The following OSBPL10 variants were observed in gnomAD, a reference collection of about 807,000 sequenced individuals.
The protein encoded by OSBPL10 is oxysterol-binding protein-related protein 10.
Under a neutral mutation model 81.7 loss-of-function variants are expected in OSBPL10, and 49 were observed. The ratio of observed to expected loss-of-function variants is 0.60; its 90% CI spans 0.48 to 0.76. The LOEUF (loss-of-function observed/expected upper bound fraction) is 0.76. OSBPL10 is among the 30% of genes least tolerant of loss of function. OSBPL10 has a pLI of 0.00. For missense variants in OSBPL10, 923 were observed against 987.8 expected (o/e 0.93, Z 0.88); for synonymous variants, 419 against 383.6 (o/e 1.09, Z -1.08).
upstream of OSBPL10, among the ~76,000 whole-genome samples, chr3:31,984,937 A>G (rs904375344): frequency 3.3e-5 from 5 of 152,198 alleles, no homozygotes; most frequent in African/African-American, 1.2e-4. Flanking sequence ...CACTTTCGGT[A>G]TGATTAAAAA....
At chr3:31,917,487 C>T (rs1696792202) in intron 1 of OSBPL10, among the ~76,000 whole-genome samples, 1 of 151,736 alleles carries the variant, frequency 6.6e-6, no homozygotes, top group South Asian at 2.1e-4. Context: ...ATAGGTAACC[C>T]CCAGCTGAAA....
At chr3:31,884,505 A>G (rs370370322) in intron 1 of OSBPL10, among the ~76,000 whole-genome samples, 6 of 152,350 alleles carry the variant, frequency 3.9e-5, no homozygotes, top group Middle Eastern at 3.4e-3. Flanking sequence ...TCATATATGG[A>G]TAAGCACTGT....
chr3:32,047,125 G>C (rs1699628951), intron 1 of OSBPL10, among the ~76,000 whole-genome samples: 1 of 152,112 alleles, frequency 6.6e-6, no homozygotes, highest in Non-Finnish European at 1.5e-5. Context: ...CTCTAGGTGT[G>C]TGCCACCAGC....
intron 4 of OSBPL10, among the ~76,000 whole-genome samples, chr3:31,803,637 A>G (rs556492231): frequency 4.8e-4 from 73 of 152,324 alleles, no homozygotes; most frequent in African/African-American, 1.6e-3. Context: ...CAACTACCTC[A>G]ATCTACAGAC....
intron 1 of OSBPL10, among the ~76,000 whole-genome samples, chr3:32,074,971 G>A (rs1043437145): frequency 3.3e-5 from 5 of 152,144 alleles, no homozygotes; most frequent in African/African-American, 7.2e-5. Context: ...TTTGCAGATG[G>A]GAATGAACAA....
chr3:31,923,942 T>C (rs1163397315), intron 1 of OSBPL10, among the ~76,000 whole-genome samples: 1 of 151,772 alleles, frequency 6.6e-6, no homozygotes, highest in African/African-American at 2.4e-5. Context: ...GTCAAGGCCA[T>C]GTGTGGTGGT....
Position 31,668,719 on chromosome 3 carries a change from T to A in OSBPL10, c.2019A>T (p.Lys673Asn). The A allele has an allele frequency of 6.2e-7, 1 of 1,614,202 alleles. No homozygotes were observed. The highest frequency in any genetic ancestry group is 2.2e-5 in the East Asian group (1 of 44,886). Residue 673 changes from lysine (K) to asparagine (N), a missense_variant, in exon 10 of 12, where the codon AAA (lysine) becomes AAT (asparagine). Physicochemically the swap from Lys to Asn is moderately conservative, Grantham distance 94 (BLOSUM62 0). Around this residue, in one of 3 missense-constraint regions of OSBPL10, gnomAD observed 387 missense variants for 436.3 expected, o/e 0.89. Transcript: ENST00000396556. ...CTGGCAGTGTGGTTGTGTCGATGAC[T>A]TTGGTTTCTCCATTGTTGTAGGTGA... ...LEFTYNNGET[K>N]VIDTTTLPVY...
intron 1 of OSBPL10, among the ~76,000 whole-genome samples, chr3:31,919,128 C>T (rs147264231): frequency 2.4e-3 from 361 of 152,262 alleles, no homozygotes; most frequent in African/African-American, 7.8e-3. Context: ...CTGGAAAGAT[C>T]GCCTCTTTCA....
chr3:31,887,611 T>C (rs969324930), intron 1 of OSBPL10, among the ~76,000 whole-genome samples: 1 of 152,196 alleles, frequency 6.6e-6, no homozygotes, highest in Non-Finnish European at 1.5e-5. Flanking sequence ...TCCTTCCCTA[T>C]AGTAGTCTTG....
intron 4 of OSBPL10, among the ~76,000 whole-genome samples, chr3:31,822,913 T>TAAAAAAGAAAAAA (rs1700013344): frequency 1.1e-5 from 1 of 89,146 alleles, no homozygotes; most frequent in Non-Finnish European, 2.3e-5. Context: ...CCCCCAACTC[T>TAAAAAAGAAAAAA]AAAAAAAAAA....
chr3:31,918,276 G>A (rs573983947), intron 1 of OSBPL10, among the ~76,000 whole-genome samples: 1 of 151,198 alleles, frequency 6.6e-6, no homozygotes, highest in African/African-American at 2.4e-5. Flanking sequence ...ACAAGTCCCT[G>A]AAAGTGAAAC....
chr3:31,998,048 C>T (rs1313852496), intron 2 of OSBPL10, among the ~76,000 whole-genome samples: 1 of 152,106 alleles, frequency 6.6e-6, no homozygotes, highest in African/African-American at 2.4e-5. Flanking sequence ...CCGCCTCGGC[C>T]TCCTGAAGTG....
At chr3:31,789,138 C>T (rs917617043) in intron 4 of OSBPL10, among the ~76,000 whole-genome samples, 1 of 152,126 alleles carries the variant, frequency 6.6e-6, no homozygotes, top group African/African-American at 2.4e-5. Flanking sequence ...GCCACCACGC[C>T]CAGCTAATTA....
At chr3:31,828,182 T>C (rs1700144951) in intron 4 of OSBPL10, among the ~76,000 whole-genome samples, 1 of 152,246 alleles carries the variant, frequency 6.6e-6, no homozygotes, top group African/African-American at 2.4e-5. Flanking sequence ...AAAAGTGAAA[T>C]GATGGTATCA....
rs1402814631 is a variant in OSBPL10, at chr3:31,664,109, T to C, written c.2220A>G (p.Thr740=). 6.2e-7 allele frequency: 1 copy of C among 1,613,948 alleles called. No individual in the cohort carries two copies. The highest frequency in any genetic ancestry group is 8.5e-7 in the Non-Finnish European group (1 of 1,180,018). The change falls in exon 11 of 12, where the codon ACA becomes ACG. Residue 740 remains threonine, a synonymous_variant. Coordinates refer to ENST00000396556, the MANE Select transcript of OSBPL10 (RefSeq NM_017784.5). ...VEERKRENLR[T]PWKPKYFIQE... ...GGATAAAATATTTGGGCTTCCATGG[T>C]GTGCGGAGGTTCTCGCGCTTCCGTT...
chr3:31,932,505 T>TTAAATTTAACGACA (rs749603589), intron 1 of OSBPL10, among the ~76,000 whole-genome samples: 17 of 152,218 alleles, frequency 1.1e-4, no homozygotes, highest in Non-Finnish European at 2.4e-4. Flanking sequence ...TCCCTATGAT[T>TTAAATTTAACGACA]TAAATTTAAC....
intron 3 of OSBPL10, among the ~76,000 whole-genome samples, chr3:31,833,284 C>T (rs909094479): frequency 1.3e-5 from 2 of 152,106 alleles, no homozygotes; most frequent in Non-Finnish European, 2.9e-5. Flanking sequence ...CTCTATCCCC[C>T]CACTCCTCCC....
Position 31,661,964 on chromosome 3 carries a change from G to T in OSBPL10, c.*108C>A. 1.4e-6 allele frequency: 2 copies of T among 1,435,184 alleles called. No individual in the cohort carries two copies. Among genetic ancestry groups the T allele is most frequent in the Non-Finnish European group, 9.5e-7 (1 of 1,051,630 alleles). 88.9% of individuals were successfully genotyped at this position (1,435,184 alleles called of 1,614,324 possible). A position where few individuals can be genotyped will look rare whatever the true frequency, so the allele number is the denominator to read the frequency against. On this transcript the variant is annotated 3_prime_UTR_variant, in exon 12 of 12. Coordinates refer to ENST00000396556, the MANE Select transcript of OSBPL10 (RefSeq NM_017784.5). ...TTTCTCTCTCTCTCATCATTTCTTG[G>T]ATGCTAATACAAGGTCTCAGTGAAT...
At chr3:31,988,865 C>T in intron 2 of OSBPL10, 2 of 617,616 alleles carry the variant, frequency 3.2e-6, no homozygotes, top group Non-Finnish European at 5.6e-6. Context: ...TGACCCACAG[C>T]TTGACTACAA....
Sources: gnomAD v4.1 joint callset for allele counts (sites outside exome capture counted in the v4.1 genomes callset) on GRCh38, gnomAD v4.1.1 for gene constraint, gnomAD v4.1.1 regional missense constraint, MANE v1.5 for transcripts, NCBI Gene and HGNC (gene_info 2026-07-23, HGNC 2026-07-21) for gene names.